The following DPYD variants were observed in gnomAD, a reference collection of about 807,000 sequenced individuals.
DPYD encodes dihydropyrimidine dehydrogenase.
A neutral mutation model predicts 116.2 loss-of-function variants in DPYD; 109 were observed. The observed-to-expected ratio is 0.94, with a 90% confidence interval of 0.80 to 1.10. The LOEUF is 1.10. Ranked by LOEUF, DPYD falls within the 50% of genes least tolerant of loss-of-function variation. The probability of loss-of-function intolerance (pLI) is 0.00; values close to 1 mark genes in which losing one functional copy is unlikely to be tolerated. For missense variants in DPYD, 1,302 were observed against 1,254.5 expected, an observed-to-expected ratio of 1.04 and a Z score of -0.57; for synonymous variants, 440 against 432.0, an observed-to-expected ratio of 1.02 and a Z score of -0.23.
chr1:97,312,208 C>A (rs1449165522), intron 16 of DPYD, among the ~76,000 whole-genome samples: 1 of 151,570 alleles, frequency 6.6e-6, no homozygotes, highest in African/African-American at 2.4e-5. Flanking sequence ...ATTAGAAAAA[C>A]AAAAGAATAA....
chr1:97,137,520 C>G (rs1313948788), intron 20 of DPYD, among the ~76,000 whole-genome samples: 1 of 152,188 alleles, frequency 6.6e-6, no homozygotes, highest in African/African-American at 2.4e-5. Flanking sequence ...CATGAGCTTT[C>G]TCATAATGGT....
At chr1:97,457,452 A>C (rs533400141) in intron 13 of DPYD, among the ~76,000 whole-genome samples, 15 of 152,184 alleles carry the variant, frequency 9.9e-5, no homozygotes, top group African/African-American at 3.6e-4. Context: ...TTTTTCAAAG[A>C]GCTTATGATT....
At chr1:97,306,813 T>C (rs1335446406) in intron 16 of DPYD, among the ~76,000 whole-genome samples, 2 of 151,950 alleles carry the variant, frequency 1.3e-5, no homozygotes, top group Non-Finnish European at 2.9e-5. Context: ...ATGTGATATA[T>C]AGTATATGCA....
intron 18 of DPYD, among the ~76,000 whole-genome samples, chr1:97,256,265 G>GCTCCCAAGCTTCTCT (rs1553243261): frequency 6.6e-6 from 1 of 151,976 alleles, no homozygotes; most frequent in African/African-American, 2.4e-5. Context: ...ATGCTGTATA[G>GCTCCCAAGCTTCTCT]CTCCCAAGCT....
chr1:97,800,811 T>C (rs1004861137), intron 3 of DPYD, among the ~76,000 whole-genome samples: 11 of 151,898 alleles, frequency 7.2e-5, no homozygotes, highest in Admixed American at 7.2e-4. Context: ...CCACCTTCTG[T>C]AGAGTCAAAT....
At chr1:97,351,980 G>A (rs1490990984) in intron 16 of DPYD, among the ~76,000 whole-genome samples, 4 of 152,130 alleles carry the variant, frequency 2.6e-5, no homozygotes, top group Non-Finnish European at 5.9e-5. Context: ...CCATACCAGA[G>A]GTGGAGATTA....
chr1:97,851,623 A>T (rs1216797161), intron 2 of DPYD, among the ~76,000 whole-genome samples: 2 of 151,798 alleles, frequency 1.3e-5, no homozygotes, highest in Non-Finnish European at 2.9e-5. Flanking sequence ...AAGTCCAAAT[A>T]TGATATTTAA....
At chr1:97,403,612 T>A (rs1673488917) in intron 14 of DPYD, among the ~76,000 whole-genome samples, 1 of 152,138 alleles carries the variant, frequency 6.6e-6, no homozygotes, top group Non-Finnish European at 1.5e-5. Context: ...TTCATAGCAC[T>A]CTTTATTTTC....
chr1:97,876,340 A>G (rs1019832013), intron 2 of DPYD, among the ~76,000 whole-genome samples: 1 of 151,972 alleles, frequency 6.6e-6, no homozygotes, highest in East Asian at 1.9e-4. Flanking sequence ...TACCTCCAGG[A>G]CAGTGGAAGC....
At chr1:97,215,654 G>A (rs186215707) in intron 19 of DPYD, among the ~76,000 whole-genome samples, 2 of 152,140 alleles carry the variant, frequency 1.3e-5, no homozygotes, top group East Asian at 3.9e-4. Context: ...TTTAACTGAG[G>A]GCACTTGTAG....
intron 13 of DPYD, among the ~76,000 whole-genome samples, chr1:97,469,736 A>G (rs1158431771): frequency 6.6e-6 from 1 of 152,194 alleles, no homozygotes; most frequent in Non-Finnish European, 1.5e-5. Context: ...CAATTTTGTA[A>G]TGGAAGTAAT....
At chr1:97,857,614 C>T (rs11588741) in intron 2 of DPYD, among the ~76,000 whole-genome samples, 17,071 of 152,186 alleles carry the variant, frequency 0.11, 1,303 homozygotes, top group Middle Eastern at 0.21. Flanking sequence ...GGCATGGAAG[C>T]TCCACACCCC....
intron 20 of DPYD, among the ~76,000 whole-genome samples, chr1:97,115,917 T>C (rs1651930181): frequency 6.6e-6 from 1 of 152,182 alleles, no homozygotes; most frequent in Non-Finnish European, 1.5e-5. Flanking sequence ...AGCAAAGCAC[T>C]GCATATGTTT....
rs528981871 is a variant in DPYD, at chr1:97,727,593, T to C, written c.322-5922A>G. Among the ~76,000 whole-genome samples the C allele has an allele frequency of 5.9e-5, 9 of 151,904 alleles. No homozygotes were observed. In the East Asian group the frequency reaches 1.5e-3, roughly 26 times the overall value. On this transcript the variant is annotated intron_variant, in intron 4 of 22. Transcript: ENST00000370192. The stretch of plus-strand genomic sequence containing the variant: ...GCCTAGAAAGAGGAAAGCATAGGCA[T>C]GTTTCACAGAATAAAGAAGCATGAT...
At chr1:97,114,998 C>T (rs184683371) in intron 20 of DPYD, among the ~76,000 whole-genome samples, 1 of 152,300 alleles carries the variant, frequency 6.6e-6, no homozygotes, top group Admixed American at 6.5e-5. Context: ...ATCTCTCACA[C>T]TTGGTAATCC....
chr1:97,148,792 T>G (rs1236689361), intron 20 of DPYD, among the ~76,000 whole-genome samples: 1 of 152,230 alleles, frequency 6.6e-6, no homozygotes, highest in African/African-American at 2.4e-5. Context: ...AAACTTCTAA[T>G]GATTCTTCTA....
chr1:97,789,243 A>G (rs1195950096), intron 3 of DPYD, among the ~76,000 whole-genome samples: 1 of 152,208 alleles, frequency 6.6e-6, no homozygotes, highest in Non-Finnish European at 1.5e-5. Context: ...AAATTAATCT[A>G]CTAATTACCC....
chr1:97,663,026 T>C (rs1659356766), intron 8 of DPYD, among the ~76,000 whole-genome samples: 1 of 152,212 alleles, frequency 6.6e-6, no homozygotes, highest in Non-Finnish European at 1.5e-5. Flanking sequence ...ATATTATTTC[T>C]ATTACTCCCA....
At chr1:97,317,672 T>C (rs1667940460) in intron 16 of DPYD, among the ~76,000 whole-genome samples, 1 of 151,970 alleles carries the variant, frequency 6.6e-6, no homozygotes, top group Non-Finnish European at 1.5e-5. Flanking sequence ...AATTCCATAT[T>C]GAAGTGAATG....
Sources: allele counts gnomAD v4.1 joint callset (sites outside exome capture counted in the v4.1 genomes callset), GRCh38; gene constraint gnomAD v4.1.1; transcripts MANE v1.5; gene names NCBI Gene and HGNC (gene_info 2026-07-23, HGNC 2026-07-21).